The following WARS2 variants were observed in gnomAD, a reference collection of about 807,000 sequenced individuals.
WARS2 encodes tryptophanyl tRNA synthetase 2, mitochondrial.
Under a neutral mutation model 36.5 loss-of-function variants are expected in WARS2, and 28 were observed. That is an observed-to-expected ratio of 0.77 (90% CI 0.57 to 1.05). The LOEUF (loss-of-function observed/expected upper bound fraction) is 1.05, where lower values mean the gene tolerates loss of function less well. WARS2 is among the 50% of genes least tolerant of loss of function. The pLI is 0.00. For synonymous variants in WARS2, 174 were observed against 178.4 expected (o/e 0.98, Z 0.20); for missense variants, 435 against 456.8 (o/e 0.95, Z 0.44).
chr1:119,118,020 G>T (rs1338389201), intron 1 of WARS2, among the ~76,000 whole-genome samples: 5 of 152,024 alleles, frequency 3.3e-5, no homozygotes, highest in African/African-American at 1.2e-4. Flanking sequence ...ACAAAACAAG[G>T]TTCTATAACA....
In WARS2 at chr1:119,034,191, C is replaced by G. The variant is rs372415954; in HGVS notation, c.538G>C (p.Glu180Gln). 1.2e-5 allele frequency: 20 copies of G among 1,613,870 alleles called. No individual in the cohort carries two copies. Among genetic ancestry groups the G allele is most frequent in the Non-Finnish European group, 1.6e-5 (19 of 1,179,890 alleles). The stretch of plus-strand genomic sequence containing the variant: ...AGTTCCATGTGCTGGACTTGATCCT[C>G]CCCAACAGGAACGTGTGTGGACCTT... Reference protein sequence around the residue: ...LYKSTHVPVGEDQVQHMELVQ... With the variant: ...LYKSTHVPVGQDQVQHMELVQ... The change falls in exon 5 of 6, where the codon GAG becomes CAG. Residue 180 changes from glutamate to glutamine, a missense_variant. Glu to Gln is a conservative substitution (Grantham distance 29, BLOSUM62 2). Coordinates refer to ENST00000235521, the MANE Select transcript of WARS2 (RefSeq NM_015836.4).
chr1:119,071,785 A>G (rs527378505), intron 2 of WARS2, among the ~76,000 whole-genome samples: 2 of 152,150 alleles, frequency 1.3e-5, no homozygotes, highest in Non-Finnish European at 2.9e-5. Flanking sequence ...TGTATTGTAT[A>G]CCTGAAAATC....
intron 1 of WARS2, among the ~76,000 whole-genome samples, chr1:119,104,621 GAA>G (rs71665951): frequency 0.21 from 30,301 of 141,254 alleles, 3,282 homozygotes; most frequent in Middle Eastern, 0.28. Context: ...TTAGTGCCAT[GAA>G]AAAAAAAAAA....
chr1:119,135,759 T>TAGAGAGATAG (rs1266538033), intron 1 of WARS2, among the ~76,000 whole-genome samples: 1 of 146,326 alleles, frequency 6.8e-6, no homozygotes, highest in African/African-American at 2.6e-5. Context: ...GATAGAGAGA[T>TAGAGAGATAG]AGAGAGAGAG....
intron 4 of WARS2, among the ~76,000 whole-genome samples, chr1:119,040,415 C>G (rs1648249969): frequency 6.6e-6 from 1 of 152,218 alleles, no homozygotes; most frequent in East Asian, 1.9e-4. Flanking sequence ...TCTTCCATTA[C>G]AGCTCTTGAA....
intron 2 of WARS2, chr1:119,064,051 C>G (rs1158226194): frequency 6.6e-6 from 1 of 152,206 alleles, no homozygotes; most frequent in Non-Finnish European, 1.5e-5. Flanking sequence ...GTGAAAGCAG[C>G]CAGGAGGGAG....
intron 1 of WARS2, among the ~76,000 whole-genome samples, chr1:119,133,360 T>G (rs897434524): frequency 1.3e-5 from 2 of 152,202 alleles, no homozygotes; most frequent in African/African-American, 4.8e-5. Flanking sequence ...TAGAACAGAT[T>G]TAAAAGTTAC....
chr1:119,135,851 C>T (rs1222822257), intron 1 of WARS2, among the ~76,000 whole-genome samples: 1 of 152,054 alleles, frequency 6.6e-6, no homozygotes, highest in African/African-American at 2.4e-5. Flanking sequence ...TCGCTGCTCA[C>T]TGAAGCCTTC....
chr1:119,103,926 T>C (rs587726675), intron 1 of WARS2, among the ~76,000 whole-genome samples: 61 of 150,510 alleles, frequency 4.1e-4, no homozygotes, highest in African/African-American at 1.5e-3. Flanking sequence ...AAAATATATA[T>C]TTTTTTCTTT....
At chr1:119,111,157 C>T (rs1418172808) in intron 1 of WARS2, among the ~76,000 whole-genome samples, 1 of 152,108 alleles carries the variant, frequency 6.6e-6, no homozygotes, top group Non-Finnish European at 1.5e-5. Flanking sequence ...TGTTTAGTCT[C>T]TTCAAATTGT....
In WARS2 at chr1:119,118,153, T is replaced by C. The variant is rs190424379; in HGVS notation, c.90+22402A>G. ...TAAGCAAAGAGGCACCAGAAAAAGGTGAAAACCAACTTAAATAAATTTAAA... is the reference window on the plus strand; with the variant it reads ...TAAGCAAAGAGGCACCAGAAAAAGGCGAAAACCAACTTAAATAAATTTAAA... On this transcript the variant is annotated intron_variant, in intron 1 of 5. Coordinates refer to ENST00000235521, the MANE Select transcript of WARS2 (RefSeq NM_015836.4). Among the ~76,000 whole-genome samples, 1,244 of 151,558 alleles carry C rather than the reference T, an allele frequency of 8.2e-3. 14 individuals are homozygous for C. Among genetic ancestry groups the C allele is most frequent in the African/African-American group, 0.029 (1,189 of 41,272 alleles).
chr1:119,051,520 G>A (rs1193522682), intron 2 of WARS2, among the ~76,000 whole-genome samples: 5 of 151,972 alleles, frequency 3.3e-5, no homozygotes, highest in African/African-American at 9.7e-5. Flanking sequence ...GTATCTTTAC[G>A]GTAGAACGAT....
chr1:119,105,686 C>T (rs12079257), intron 1 of WARS2, among the ~76,000 whole-genome samples: 42,461 of 152,058 alleles, frequency 0.28, 6,305 homozygotes, highest in African/African-American at 0.37. Context: ...CCTAGGTGAG[C>T]GGATCACTTG....
At chr1:119,098,816 A>C (rs1446497171) in intron 1 of WARS2, among the ~76,000 whole-genome samples, 2 of 152,050 alleles carry the variant, frequency 1.3e-5, no homozygotes, top group East Asian at 3.9e-4. Flanking sequence ...AGCTCACTGC[A>C]ACCTCCACCT....
chr1:119,035,871 T>C (rs1279626768), intron 4 of WARS2, among the ~76,000 whole-genome samples: 1 of 152,204 alleles, frequency 6.6e-6, no homozygotes, highest in African/African-American at 2.4e-5. Flanking sequence ...GTAAGGACCA[T>C]GACAGCAGAC....
intron 1 of WARS2, chr1:119,126,974 C>A: frequency 1.4e-6 from 1 of 735,608 alleles, no homozygotes; most frequent in South Asian, 1.4e-5. Flanking sequence ...CACATTTTGT[C>A]ATGGGTAAGA....
chr1:119,045,475 T>C, intron 3 of WARS2, 107 bp downstream of exon 3: 1 of 897,152 alleles, frequency 1.1e-6, no homozygotes, highest in Non-Finnish European at 1.8e-6. Context: ...TTCCAACCAT[T>C]AGTGAGTGGC....
chr1:119,128,042 A>T (rs990577872), intron 1 of WARS2, among the ~76,000 whole-genome samples: 10 of 152,130 alleles, frequency 6.6e-5, no homozygotes, highest in Non-Finnish European at 1.3e-4. Context: ...GTCTTTAGTG[A>T]TAATACCAAC....
chr1:119,034,296 G>T, intron 4 of WARS2, 83 bp from the exon 5 acceptor site: 1 of 1,118,800 alleles, frequency 8.9e-7, no homozygotes, highest in Non-Finnish European at 1.3e-6. Flanking sequence ...TGCATTTCCT[G>T]TGAATATTTC....
Sources: allele counts gnomAD v4.1 joint callset (sites outside exome capture counted in the v4.1 genomes callset), GRCh38; gene constraint gnomAD v4.1.1; transcripts MANE v1.5; gene names NCBI Gene and HGNC (gene_info 2026-07-23, HGNC 2026-07-21).